Variants in SESN1 observed in about 807,000 individuals in gnomAD.
SESN1 encodes sestrin 1.
In SESN1, 30 loss-of-function variants were observed where a neutral mutation model predicts 59.3. That is an observed-to-expected ratio of 0.51 (90% CI 0.38 to 0.69). The LOEUF is 0.69. Ranked by LOEUF, SESN1 falls within the 30% of genes least tolerant of loss-of-function variation. The probability of loss-of-function intolerance (pLI) is 0.00; values close to 1 mark genes in which losing one functional copy is unlikely to be tolerated. For missense variants in SESN1, 566 were observed against 673.0 expected (o/e 0.84, Z 1.76); for synonymous variants, 197 against 219.9 (o/e 0.90, Z 0.92).
chr6:109,032,949 A>G (rs1410434156), intron 1 of SESN1, among the ~76,000 whole-genome samples: 1 of 152,194 alleles, frequency 6.6e-6, no homozygotes, highest in Non-Finnish European at 1.5e-5. Flanking sequence ...AAGAACCCAC[A>G]CAGGTATTTC....
Position 109,072,921 on chromosome 6 carries a change from A to G in SESN1, c.279+20874T>C, listed in dbSNP as rs376595923. ...TCAATTTTTTTTTTAATAAAATGGCAAAGATATTTGAATTAAGCAGATTTA... is the reference window on the plus strand; with the variant it reads ...TCAATTTTTTTTTTAATAAAATGGCGAAGATATTTGAATTAAGCAGATTTA... On this transcript the variant is annotated intron_variant, in intron 1 of 9. Transcript: ENST00000436639. Among the ~76,000 whole-genome samples the G allele has an allele frequency of 3.3e-5, 5 of 152,206 alleles. No homozygotes were observed. The East Asian group carries it at 7.7e-4, about 23-fold the overall frequency.
At chr6:109,012,030 G>T (rs1028185285) in intron 1 of SESN1, among the ~76,000 whole-genome samples, 7 of 152,106 alleles carry the variant, frequency 4.6e-5, no homozygotes, top group African/African-American at 1.4e-4. Context: ...CAAGGATTTC[G>T]AAGGTAGGCC....
intron 1 of SESN1, among the ~76,000 whole-genome samples, chr6:109,016,304 C>T (rs1779926856): frequency 6.6e-6 from 1 of 152,212 alleles, no homozygotes. Context: ...CATGCCTCCC[C>T]ACCCTATGAT....
chr6:109,006,413 A>C (rs1759233755), intron 1 of SESN1, among the ~76,000 whole-genome samples: 1 of 151,748 alleles, frequency 6.6e-6, no homozygotes, highest in African/African-American at 2.4e-5. Flanking sequence ...CTTGTCATTT[A>C]CATTAGGTAT....
intron 1 of SESN1, among the ~76,000 whole-genome samples, chr6:109,076,263 A>G (rs1781030999): frequency 1.3e-5 from 2 of 152,204 alleles, no homozygotes; most frequent in Non-Finnish European, 2.9e-5. Flanking sequence ...TGCTGTGCCA[A>G]TGCATACTGG....
intron 1 of SESN1, among the ~76,000 whole-genome samples, chr6:109,026,101 A>G (rs187836615): frequency 1.3e-5 from 2 of 152,340 alleles, no homozygotes; most frequent in East Asian, 3.9e-4. Context: ...GGGAAAACTA[A>G]GCTGACAGCC....
At chr6:108,987,776 AG>A in intron 9 of SESN1, 146 bp from the exon 10 acceptor site, 1 of 463,270 alleles carries the variant, frequency 2.2e-6, no homozygotes, top group African/African-American at 2.0e-5. Flanking sequence ...TTTGTTGAAC[AG>A]ATTATAAATT....
At chr6:109,062,356 G>C (rs1280360040) in intron 1 of SESN1, among the ~76,000 whole-genome samples, 2 of 152,242 alleles carry the variant, frequency 1.3e-5, no homozygotes, top group African/African-American at 2.4e-5. Context: ...GGGCCTGTGA[G>C]TCTGAGGCGC....
At chr6:109,088,421 T>C (rs1203488564) in intron 1 of SESN1, among the ~76,000 whole-genome samples, 2 of 151,862 alleles carry the variant, frequency 1.3e-5, no homozygotes, top group Non-Finnish European at 2.9e-5. Flanking sequence ...ACTCCAACTG[T>C]AACTCTAACA....
At chr6:109,091,911 C>T (rs143854270) in intron 1 of SESN1, among the ~76,000 whole-genome samples, 320 of 152,332 alleles carry the variant, frequency 2.1e-3, no homozygotes, top group Admixed American at 4.6e-3. Flanking sequence ...TAAATTTGTT[C>T]ATCCACTGGA....
intron 1 of SESN1, among the ~76,000 whole-genome samples, chr6:109,053,753 C>T (rs956366989): frequency 6.6e-6 from 1 of 152,178 alleles, no homozygotes; most frequent in East Asian, 1.9e-4. Context: ...AAGGTTGGAT[C>T]TCATGAAACA....
chr6:109,062,049 G>C (rs1780742054), intron 1 of SESN1, among the ~76,000 whole-genome samples: 1 of 152,128 alleles, frequency 6.6e-6, no homozygotes, highest in Admixed American at 6.5e-5. Flanking sequence ...TTAAGAGACA[G>C]GGTCTTACTC....
rs542285855 is a variant in SESN1, at chr6:109,024,999, C to T, written c.280-22656G>A. The stretch of plus-strand genomic sequence containing the variant: ...CACCGACAGGAGGAGTCTAGGGAGA[C>T]AGTGAGCACTAAGGCTGGCAGCTGT... On this transcript the variant is annotated intron_variant, in intron 1 of 9. Transcript: ENST00000436639. Among the ~76,000 whole-genome samples the T allele has an allele frequency of 3.9e-5, 6 of 152,204 alleles. No individual in the cohort carries two copies. In the South Asian group the frequency reaches 1.3e-3, roughly 32 times the overall value.
chr6:109,087,399 A>G (rs184412802), intron 1 of SESN1, among the ~76,000 whole-genome samples: 306 of 152,302 alleles, frequency 2.0e-3, no homozygotes, highest in African/African-American at 7.1e-3. Context: ...TTATCCAAAG[A>G]AGGACAGAAA....
At chr6:109,075,342 T>A (rs533206301) in intron 1 of SESN1, among the ~76,000 whole-genome samples, 4 of 152,232 alleles carry the variant, frequency 2.6e-5, no homozygotes, top group Non-Finnish European at 1.5e-5. Flanking sequence ...TCCTTTTGAG[T>A]ATGGACTAAA....
At chr6:109,002,172 C>T (rs1779639798) in intron 2 of SESN1, 106 bp downstream of exon 2, 1 of 962,718 alleles carries the variant, frequency 1.0e-6, no homozygotes, top group Non-Finnish European at 1.6e-6. Context: ...CCAACTCTGA[C>T]TAAAACATGT....
At chr6:109,010,410 T>A (rs891044163) in intron 1 of SESN1, among the ~76,000 whole-genome samples, 5 of 152,240 alleles carry the variant, frequency 3.3e-5, no homozygotes, top group African/African-American at 1.2e-4. Flanking sequence ...TGCATGTTTA[T>A]GCTGTTTTCA....
intron 1 of SESN1, among the ~76,000 whole-genome samples, chr6:109,043,056 C>T (rs1780366815): frequency 6.6e-6 from 1 of 152,056 alleles, no homozygotes; most frequent in Admixed American, 6.6e-5. Context: ...AAAATCAATG[C>T]AATCTACCAT....
At chr6:109,042,919 T>A (rs1333237320) in intron 1 of SESN1, among the ~76,000 whole-genome samples, 2 of 151,986 alleles carry the variant, frequency 1.3e-5, no homozygotes, top group East Asian at 3.8e-4. Flanking sequence ...AAATACAGCC[T>A]CATGAAAATG....
Sources: allele counts gnomAD v4.1 joint callset (sites outside exome capture counted in the v4.1 genomes callset), GRCh38; gene constraint gnomAD v4.1.1; transcripts MANE v1.5; gene names NCBI Gene and HGNC (gene_info 2026-07-23, HGNC 2026-07-21).